The following TCTN1 variants were observed in gnomAD, a reference collection of about 807,000 sequenced individuals.
TCTN1 encodes tectonic family member 1.
TCTN1 carries 58 observed loss-of-function variants against 65.8 expected under a neutral mutation model. The ratio of observed to expected loss-of-function variants is 0.88; its 90% CI spans 0.71 to 1.10. The LOEUF is 1.10. Among genes scored for constraint, TCTN1 ranks in the 50% least tolerant of loss-of-function variants. The pLI, the probability that TCTN1 is intolerant of heterozygous loss-of-function variation, is 0.00. For synonymous variants in TCTN1, 273 were observed against 289.1 expected, an observed-to-expected ratio of 0.94 and a Z score of 0.57; for missense variants, 645 against 719.4, an observed-to-expected ratio of 0.90 and a Z score of 1.18.
Position 110,641,553 on chromosome 12 carries a change from G to A in TCTN1, c.1116G>A (p.Gln372=). 1 of 1,614,214 alleles carries A rather than the reference G, an allele frequency of 6.2e-7. No individual in the cohort carries two copies. The change falls in exon 10 of 15, where the codon CAG becomes CAA. Residue 372 remains glutamine (Q), a synonymous_variant. Transcript: ENST00000397659. The part of the protein sequence containing the change: ...FEIHFLQENT[Q]PVPLSGNPGY... ...GCATTGTCTTTCAGGAAAATACCCA[G>A]CCAGTCCCTCTCAGTGGAAACCCTG...
chr12:110,616,254 ATTTTTT>A, intron 1 of TCTN1: 1 of 403,816 alleles, frequency 2.5e-6, no homozygotes, highest in Non-Finnish European at 4.9e-6. Flanking sequence ...CTCACACTTT[ATTTTTT>A]TTTTTTTTGG....
At chr12:110,630,381 A>G (rs1215753054) in intron 4 of TCTN1, 3 of 152,228 alleles carry the variant, frequency 2.0e-5, no homozygotes, top group Non-Finnish European at 4.4e-5. Context: ...ATCATGGAGT[A>G]GATTGGTTGG....
At chr12:110,648,974 C>T (rs1003854422) in intron 14 of TCTN1, 69 bp from the exon 15 acceptor site, 5 of 443,756 alleles carry the variant, frequency 1.1e-5, no homozygotes, top group African/African-American at 2.1e-5. Flanking sequence ...CTATTTAGAA[C>T]AGCTTGAAAA....
At position 110,647,736 on chromosome 12, in the gene TCTN1, C is replaced by CTGTT. The variant is rs765887748; in HGVS notation, c.1636-11_1636-8dup. 1 of 1,614,052 alleles carries CTGTT rather than the reference C, an allele frequency of 6.2e-7. No individual in the cohort carries two copies. Among genetic ancestry groups the CTGTT allele is most frequent in the African/African-American group, 1.3e-5 (1 of 75,038 alleles). ...ACTGGAGGGTGGGCCTTGCATCTCT[C>CTGTT]TGTTTATTACAGGCCAACTCAGGAA... On this transcript the variant is annotated splice_polypyrimidine_tract_variant and intron_variant, in intron 13 of 14. Transcript: ENST00000397659.
intron 2 of TCTN1, among the ~76,000 whole-genome samples, chr12:110,620,438 G>T (rs1180893065): frequency 2.0e-5 from 3 of 151,798 alleles, no homozygotes; most frequent in African/African-American, 7.3e-5. Flanking sequence ...TCCCTTATTT[G>T]CATTCAGCCA....
chr12:110,638,603 AG>A (rs2066739549), intron 7 of TCTN1, among the ~76,000 whole-genome samples: 1 of 152,186 alleles, frequency 6.6e-6, no homozygotes, highest in Non-Finnish European at 1.5e-5. Flanking sequence ...AAATCAGCAC[AG>A]CGCTACTGTT....
rs890404674 is a variant in TCTN1 at position 110,640,216 on chromosome 12, A to G, written c.844-167A>G. Among the ~76,000 whole-genome samples the G allele has an allele frequency of 6.6e-6, 1 of 152,148 alleles. No individual in the cohort carries two copies. Among genetic ancestry groups the G allele is most frequent in the African/African-American group, 2.4e-5 (1 of 41,424 alleles). On this transcript the variant is annotated intron_variant, in intron 7 of 14. Transcript: ENST00000397659. This position sits in a 1 kb window ranked among gnomAD's most constrained non-coding sequence, Gnocchi z 4.9. ...AAGTATTTTCTTTGTGAATGTATAT[A>G]TGTTTATTACTTTTGCAAATGTGGA... is the stretch of plus-strand genomic sequence containing the variant.
At position 110,640,284 on chromosome 12, in the gene TCTN1, G is replaced by T; in HGVS notation, c.844-99G>T. 1 of 1,417,496 alleles carries T rather than the reference G, an allele frequency of 7.1e-7. No homozygotes were observed. Among genetic ancestry groups the T allele is most frequent in the Non-Finnish European group, 9.9e-7 (1 of 1,007,756 alleles). 87.8% of individuals were successfully genotyped at this position (1,417,496 alleles called of 1,614,324 possible). ...TTGTGTAGCATGCTTCCCCCTACTTGGCCATATATCAGGGGAGGTTTCTTT... is the reference window on the plus strand; with the variant it reads ...TTGTGTAGCATGCTTCCCCCTACTTTGCCATATATCAGGGGAGGTTTCTTT... On this transcript the variant is annotated intron_variant, in intron 7 of 14. Coordinates refer to ENST00000397659, the MANE Select transcript of TCTN1 (RefSeq NM_001082538.3). The surrounding 1 kb of genome is among the most constrained non-coding windows in gnomAD (Gnocchi z 4.9).
At chr12:110,628,024 T>C in intron 3 of TCTN1, 2 of 1,535,244 alleles carry the variant, frequency 1.3e-6, no homozygotes, top group Non-Finnish European at 1.7e-6. Flanking sequence ...CATGCCAGCC[T>C]GCTTCCTTCT....
chr12:110,616,598 A>G (rs936315847), intron 1 of TCTN1: 1 of 177,338 alleles, frequency 5.6e-6, no homozygotes, highest in African/African-American at 2.3e-5. Context: ...TGTGACAGTA[A>G]TAACTCATTT....
intron 2 of TCTN1, chr12:110,625,960 G>A (rs2065808734): frequency 6.0e-6 from 1 of 165,866 alleles, no homozygotes. Context: ...TACCATCTTG[G>A]CCAGGCTGGT....
intron 1 of TCTN1, among the ~76,000 whole-genome samples, chr12:110,618,446 A>G (rs1387360669): frequency 2.0e-5 from 3 of 151,944 alleles, no homozygotes; most frequent in African/African-American, 7.2e-5. Flanking sequence ...TCACCGTGTT[A>G]GCCAGGATGG....
chr12:110,619,200 A>C (rs2065252320), intron 1 of TCTN1, among the ~76,000 whole-genome samples: 1 of 150,212 alleles, frequency 6.7e-6, no homozygotes, highest in Admixed American at 6.6e-5. Flanking sequence ...AATAAATAAA[A>C]TAATTAAAAG....
At chr12:110,648,002 C>T (rs951430294) in intron 14 of TCTN1, 109 bp downstream of exon 14, 16 of 1,521,930 alleles carry the variant, frequency 1.1e-5, no homozygotes, top group African/African-American at 4.1e-5. Flanking sequence ...TTGAGGGTCT[C>T]GCTTTGTTGC....
Position 110,619,880 on chromosome 12 carries a change from A to G in TCTN1, c.265A>G (p.Ile89Val), listed in dbSNP as rs2065295046. 1 of 1,614,162 alleles carries G rather than the reference A, an allele frequency of 6.2e-7. No individual in the cohort carries two copies. Among genetic ancestry groups the G allele is most frequent in the East Asian group, 2.2e-5 (1 of 44,890 alleles). The change falls in exon 2 of 15, where the codon ATC (isoleucine) becomes GTC (valine). Residue 89 changes from isoleucine (I) to valine (V), a missense_variant. Transcript: ENST00000397659. ...TGACTTATCCCCAGCACAGTGTGAC[A>G]TCAACTGCTGCTGTGATCCCGACTG... The part of the protein sequence containing the change: ...VCDLSPAQCD[I>V]NCCCDPDCSS...
intron 12 of TCTN1, chr12:110,646,396 C>T (rs939585720): frequency 6.9e-6 from 1 of 145,386 alleles, no homozygotes; most frequent in Non-Finnish European, 1.5e-5. Context: ...TATTTTAAAG[C>T]TTTTTTTTTT....
At chr12:110,629,883 C>T (rs1271671898) in intron 4 of TCTN1, 1 of 152,154 alleles carries the variant, frequency 6.6e-6, no homozygotes, top group African/African-American at 2.4e-5. Context: ...AAATGTGGCA[C>T]ATACACAACA....
rs1182547197 is a variant in TCTN1, at chr12:110,639,066, T to C, written c.844-1317T>C. On this transcript the variant is annotated intron_variant, in intron 7 of 14. Coordinates refer to ENST00000397659, the MANE Select transcript of TCTN1 (RefSeq NM_001082538.3). This position sits in a 1 kb window ranked among gnomAD's most constrained non-coding sequence, Gnocchi z 4.9. ...CTTCTTGGTCATGGGAGCAGACACATAAGGACTGCTTATTTATCTCTAAAA... is the reference window on the plus strand; with the variant it reads ...CTTCTTGGTCATGGGAGCAGACACACAAGGACTGCTTATTTATCTCTAAAA... Among the ~76,000 whole-genome samples the C allele has an allele frequency of 6.6e-6, 1 of 152,204 alleles. No homozygotes were observed. Among genetic ancestry groups the C allele is most frequent in the Non-Finnish European group, 1.5e-5 (1 of 68,024 alleles).
intron 6 of TCTN1, 168 bp from the exon 7 acceptor site, chr12:110,636,313 G>C (rs759544000): frequency 3.5e-6 from 2 of 567,146 alleles, no homozygotes; most frequent in Non-Finnish European, 6.5e-6. Flanking sequence ...TTAGGACATA[G>C]ATTCAAACAC....
Sources: allele counts gnomAD v4.1 joint callset (sites outside exome capture counted in the v4.1 genomes callset), GRCh38; gene constraint gnomAD v4.1.1; non-coding constraint Gnocchi (gnomAD v3.1); transcripts MANE v1.5; gene names NCBI Gene and HGNC (gene_info 2026-07-23, HGNC 2026-07-21).